The following LEMD1 variants were observed in gnomAD, a reference collection of about 807,000 sequenced individuals.
LEMD1 encodes LEM domain containing 1.
A neutral mutation model predicts 17.4 loss-of-function variants in LEMD1; 18 were observed. That is an observed-to-expected ratio of 1.04 (90% CI 0.72 to 1.54). The LOEUF (loss-of-function observed/expected upper bound fraction) is 1.54. LEMD1 is among the 40% of genes most tolerant of loss of function. LEMD1 has a pLI of 0.00. For missense variants in LEMD1, 195 were observed against 210.4 expected, an observed-to-expected ratio of 0.93 and a Z score of 0.45; for synonymous variants, 88 against 77.8, an observed-to-expected ratio of 1.13 and a Z score of -0.69.
At chr1:205,388,826 A>G (rs1247716813) in intron 4 of LEMD1, among the ~76,000 whole-genome samples, 3 of 152,096 alleles carry the variant, frequency 2.0e-5, no homozygotes, top group Admixed American at 1.3e-4. Context: ...CATTTTCATA[A>G]GGGTGTTTTT....
intron 3 of LEMD1, among the ~76,000 whole-genome samples, chr1:205,418,260 G>A (rs1665788858): frequency 6.6e-6 from 1 of 152,184 alleles, no homozygotes; most frequent in African/African-American, 2.4e-5. Flanking sequence ...GAGAACTCAT[G>A]ATAAATATTT....
Position 205,441,323 on chromosome 1 carries a change from G to C in LEMD1, c.-39+8545C>G, listed in dbSNP as rs916013561. On this transcript the variant is annotated intron_variant, in intron 1 of 3. Coordinates refer to the LEMD1 transcript ENST00000367154. This position sits in a 1 kb window ranked among gnomAD's most constrained non-coding sequence, Gnocchi z 4.3. The stretch of plus-strand genomic sequence containing the variant: ...GACAGGGTGAGTCCAAGGGAGGAAA[G>C]AGAATGCCCAGCTGCTGCCTCCTTT... Among the ~76,000 whole-genome samples, 28 of 152,202 alleles carry C rather than the reference G, an allele frequency of 1.8e-4. No individual in the cohort carries two copies. The highest frequency in any genetic ancestry group is 6.5e-4 in the African/African-American group (27 of 41,442).
intron 4 of LEMD1, among the ~76,000 whole-genome samples, chr1:205,390,668 T>C (rs891363427): frequency 3.3e-5 from 5 of 152,098 alleles, no homozygotes; most frequent in African/African-American, 1.2e-4. Flanking sequence ...TATACAGAAG[T>C]CAACTTCATT....
In LEMD1 at chr1:205,421,989, C is replaced by T. The variant is rs1168107227; in HGVS notation, c.-39+1G>A. 6.6e-6 allele frequency: 1 copy of T among 152,160 alleles called. No homozygotes were observed. Among genetic ancestry groups the T allele is most frequent in the African/African-American group, 2.4e-5 (1 of 41,438 alleles). 9.4% of individuals were successfully genotyped at this position (152,160 alleles called of 1,614,324 possible). A position where few individuals can be genotyped will look rare whatever the true frequency, so the allele number is the denominator to read the frequency against. On this transcript the variant is annotated splice_donor_variant, in intron 1 of 5. Coordinates refer to ENST00000367153, the MANE Select transcript of LEMD1 (RefSeq NM_001199050.2). LOFTEE classifies it low-confidence loss of function (5UTR_SPLICE). ...TCCAACTGGATGATTAATTCACTTA[C>T]CCCTTCACATGGTTATCTAAAGTCT... is the stretch of plus-strand genomic sequence containing the variant.
At chr1:205,422,826 G>A (rs1394089565), upstream of LEMD1, among the ~76,000 whole-genome samples, 3 of 152,198 alleles carry the variant, frequency 2.0e-5, no homozygotes, top group Admixed American at 6.5e-5. Flanking sequence ...GAGACAGCCT[G>A]CTTAGAGTCA....
intron 4 of LEMD1, among the ~76,000 whole-genome samples, chr1:205,401,026 T>C (rs1249697910): frequency 6.6e-6 from 1 of 151,794 alleles, no homozygotes; most frequent in Non-Finnish European, 1.5e-5. Context: ...GGACATGAAC[T>C]CATCATTTTT....
At chr1:205,400,924 T>C (rs1327747543) in intron 4 of LEMD1, among the ~76,000 whole-genome samples, 4 of 141,768 alleles carry the variant, frequency 2.8e-5, no homozygotes, top group Non-Finnish European at 4.5e-5. Flanking sequence ...TCAATTCCCA[T>C]CTATGAGTGA....
At chr1:205,404,420 C>T (rs1480930703) in intron 4 of LEMD1, among the ~76,000 whole-genome samples, 2 of 152,104 alleles carry the variant, frequency 1.3e-5, no homozygotes, top group East Asian at 3.8e-4. Context: ...GGAAAGTTAG[C>T]TCTTCTTGTT....
At chr1:205,391,612 G>A (rs1268642588) in intron 4 of LEMD1, among the ~76,000 whole-genome samples, 4 of 152,106 alleles carry the variant, frequency 2.6e-5, no homozygotes, top group Non-Finnish European at 4.4e-5. Flanking sequence ...CTCCTGCTCC[G>A]CGCCTGGGTG....
intron 4 of LEMD1, among the ~76,000 whole-genome samples, chr1:205,388,197 T>C (rs147294383): frequency 0.01 from 1,509 of 144,670 alleles, 22 homozygotes; most frequent in African/African-American, 0.036. Flanking sequence ...ACTTAATCTT[T>C]CTTTCTTTTT....
At chr1:205,387,192 C>T (rs1456835913) in intron 4 of LEMD1, 1 of 151,936 alleles carries the variant, frequency 6.6e-6, no homozygotes, top group Non-Finnish European at 1.5e-5. Context: ...AGTTCTCCTG[C>T]AGTATGTAGA....
intron 4 of LEMD1, among the ~76,000 whole-genome samples, chr1:205,411,114 A>AGGAG (rs1480697082): frequency 1.3e-5 from 2 of 148,306 alleles, no homozygotes; most frequent in Admixed American, 1.3e-4. Flanking sequence ...AAAGAAAGGA[A>AGGAG]GGAGGGAGGG....
chr1:205,427,945 C>CTATTATAACTAATTATAA, intron 1 of LEMD1, among the ~76,000 whole-genome samples: 1 of 152,132 alleles, frequency 6.6e-6, no homozygotes, highest in Non-Finnish European at 1.5e-5. Flanking sequence ...ATAACGGTTC[C>CTATTATAACTAATTATAA]TGGTACTAAG....
chr1:205,446,291 A>T (rs1285422324), intron 1 of LEMD1, among the ~76,000 whole-genome samples: 3 of 152,254 alleles, frequency 2.0e-5, no homozygotes, highest in Admixed American at 6.5e-5. Context: ...ATCCAGGCCC[A>T]GCCCCAGCAA....
rs1001993270 is a variant in LEMD1, at chr1:205,448,132, G to A, written c.-39+1736C>T. Among the ~76,000 whole-genome samples the A allele has an allele frequency of 3.3e-5, 5 of 152,146 alleles. No homozygotes were observed. Among genetic ancestry groups the A allele is most frequent in the African/African-American group, 1.2e-4 (5 of 41,434 alleles). On this transcript the variant is annotated intron_variant, in intron 1 of 3. Transcript: ENST00000367154. The surrounding 1 kb of genome is among the most constrained non-coding windows in gnomAD (Gnocchi z 4.7). ...CGGCCCAGTCTCTTCATTCCAGAGT[G>A]AGGAAACAGGGCCAGAAGGGAAGTG...
In LEMD1 at chr1:205,441,628, T is replaced by C. The variant is rs1666295203; in HGVS notation, c.-39+8240A>G. On this transcript the variant is annotated intron_variant, in intron 1 of 3. Transcript: ENST00000367154. The surrounding 1 kb of genome is among the most constrained non-coding windows in gnomAD (Gnocchi z 4.3). ...TTGTCTGACACCCTAGGAAAGCCTATAGGGAGCAATTATACCCTTCCTTTG... is the reference window on the plus strand; with the variant it reads ...TTGTCTGACACCCTAGGAAAGCCTACAGGGAGCAATTATACCCTTCCTTTG... 6.6e-6 allele frequency among the ~76,000 whole-genome samples: 1 copy of C among 152,170 alleles called. No homozygotes were observed. Among genetic ancestry groups the C allele is most frequent in the Non-Finnish European group, 1.5e-5 (1 of 68,016 alleles).
intron 1 of LEMD1, among the ~76,000 whole-genome samples, chr1:205,430,409 A>G (rs964583486): frequency 2.0e-5 from 3 of 152,176 alleles, no homozygotes; most frequent in African/African-American, 7.2e-5. Context: ...GTAACTAGGA[A>G]GTATAGAGGG....
chr1:205,441,656 T>G lies in LEMD1; in HGVS notation c.-39+8212A>C, dbSNP rs1666295579. ...GGAGCAATTATACCCTTCCTTTGACTGCTCAGGGCAATGCAAATCCCATCC... is the reference window on the plus strand; with the variant it reads ...GGAGCAATTATACCCTTCCTTTGACGGCTCAGGGCAATGCAAATCCCATCC... On this transcript the variant is annotated intron_variant, in intron 1 of 3. Coordinates refer to the LEMD1 transcript ENST00000367154. The surrounding 1 kb of genome is among the most constrained non-coding windows in gnomAD (Gnocchi z 4.3). 6.6e-6 allele frequency among the ~76,000 whole-genome samples: 1 copy of G among 152,246 alleles called. No homozygotes were observed. The highest frequency in any genetic ancestry group is 2.4e-5 in the African/African-American group (1 of 41,462).
intron 1 of LEMD1, among the ~76,000 whole-genome samples, chr1:205,434,196 TTC>T (rs1553399140): frequency 1.3e-5 from 2 of 151,364 alleles, no homozygotes; most frequent in African/African-American, 4.9e-5. Flanking sequence ...TTCTTTTTTT[TTC>T]TCTCTCTTTT....
Sources: allele counts gnomAD v4.1 joint callset (sites outside exome capture counted in the v4.1 genomes callset), GRCh38; gene constraint gnomAD v4.1.1; non-coding constraint Gnocchi (gnomAD v3.1); transcripts MANE v1.5; gene names NCBI Gene and HGNC (gene_info 2026-07-23, HGNC 2026-07-21).